The following MTDH variants were observed in gnomAD, a reference collection of about 807,000 sequenced individuals.
MTDH encodes protein LYRIC.
In MTDH, 34 loss-of-function variants were observed where a neutral mutation model predicts 72.7. The observed-to-expected ratio is 0.47, with a 90% CI of 0.36 to 0.62. MTDH has a LOEUF of 0.62. MTDH is among the 20% of genes least tolerant of loss of function. The probability of loss-of-function intolerance (pLI) is 0.00; values close to 1 mark genes in which losing one functional copy is unlikely to be tolerated. For missense variants in MTDH, 677 were observed against 699.4 expected, an observed-to-expected ratio of 0.97 and a Z score of 0.36; for synonymous variants, 266 against 268.9, an observed-to-expected ratio of 0.99 and a Z score of 0.10.
At chr8:97,648,549 C>T (rs973887151) in intron 1 of MTDH, among the ~76,000 whole-genome samples, 42 of 150,668 alleles carry the variant, frequency 2.8e-4, no homozygotes, top group Middle Eastern at 3.4e-3. Flanking sequence ...AGTGCAGTGG[C>T]GGTTATAGCT....
intron 2 of MTDH, 107 bp from the exon 3 acceptor site, chr8:97,686,560 TA>T (rs2130999001): frequency 3.6e-6 from 2 of 553,276 alleles, no homozygotes; most frequent in East Asian, 4.1e-5. Flanking sequence ...AATCAAACAT[TA>T]ATTTTTTTTT....
intron 6 of MTDH, chr8:97,696,426 C>A: frequency 3.5e-6 from 1 of 283,414 alleles, no homozygotes; most frequent in Non-Finnish European, 5.3e-6. Flanking sequence ...TGGCAGAGGC[C>A]TTTACAACAG....
At position 97,722,909 on chromosome 8, in the gene MTDH, A is replaced by G. The variant is rs1815187182; in HGVS notation, c.1552A>G (p.Thr518Ala). ...CAAGACTCTTCCACCTGCTACTTCT[A>G]CCGAGCCATCTGTAATCTTATCAAA... ...PIKTLPPATS[T>A]EPSVILSKSD... Residue 518 changes from threonine (T) to alanine (A), a missense_variant, in exon 11 of 12, where the codon ACC becomes GCC. By Grantham distance (58) the Thr-to-Ala change is moderately conservative. Around this residue, in one of 3 missense-constraint regions of MTDH, gnomAD observed 201 missense variants for 204.5 expected, o/e 0.98. Transcript: ENST00000336273. The G allele has an allele frequency of 6.2e-7, 1 of 1,613,528 alleles. No individual in the cohort carries two copies. The highest frequency in any genetic ancestry group is 8.5e-7 in the Non-Finnish European group (1 of 1,179,790).
At chr8:97,686,621 T>C (rs1260616988) in intron 2 of MTDH, 47 bp from the exon 3 acceptor site, 2 of 1,246,794 alleles carry the variant, frequency 1.6e-6, no homozygotes, top group Non-Finnish European at 2.2e-6. Context: ...CTCCTACTTA[T>C]TCAAAAACAT....
chr8:97,659,699 A>C (rs1812108094), intron 1 of MTDH, among the ~76,000 whole-genome samples: 2 of 152,218 alleles, frequency 1.3e-5, no homozygotes, highest in South Asian at 4.1e-4. Flanking sequence ...ACTGAAAATA[A>C]AGCCATTGAA....
At chr8:97,675,582 AC>A (rs34238865) in intron 2 of MTDH, among the ~76,000 whole-genome samples, 6 of 124,516 alleles carry the variant, frequency 4.8e-5, no homozygotes, top group South Asian at 2.5e-4. Flanking sequence ...AAAAAAAATT[AC>A]ATTCAGGGCC....
At chr8:97,683,478 C>G (rs1800814408) in intron 2 of MTDH, among the ~76,000 whole-genome samples, 1 of 152,014 alleles carries the variant, frequency 6.6e-6, no homozygotes, top group Non-Finnish European at 1.5e-5. Flanking sequence ...TCACTTCAGC[C>G]TCAACCTCCC....
chr8:97,653,180 C>CA (rs1332232944), intron 1 of MTDH, among the ~76,000 whole-genome samples: 2 of 148,560 alleles, frequency 1.3e-5, no homozygotes, highest in Admixed American at 1.3e-4. Context: ...ATAAGTAAAA[C>CA]AAATATTCAT....
chr8:97,645,028 GGA>G, intron 1 of MTDH, 141 bp downstream of exon 1: 2 of 929,418 alleles, frequency 2.2e-6, no homozygotes, highest in Non-Finnish European at 3.0e-6. Context: ...AAGTGGAGGA[GGA>G]GGTGATAGGT....
At chr8:97,663,649 T>A (rs181093972) in intron 2 of MTDH, among the ~76,000 whole-genome samples, 61 of 147,960 alleles carry the variant, frequency 4.1e-4, no homozygotes, top group African/African-American at 1.4e-3. Context: ...CTAGGGAGGC[T>A]GAGGCAGGAG....
chr8:97,697,906 G>T (rs1813936851), intron 6 of MTDH, among the ~76,000 whole-genome samples: 1 of 152,132 alleles, frequency 6.6e-6, no homozygotes, highest in Non-Finnish European at 1.5e-5. Context: ...AGCCGTGTGG[G>T]CTGCCAAAGG....
At chr8:97,715,884 G>A (rs932281013) in intron 9 of MTDH, among the ~76,000 whole-genome samples, 3 of 152,032 alleles carry the variant, frequency 2.0e-5, no homozygotes, top group South Asian at 2.1e-4. Flanking sequence ...TGTTTCTTTG[G>A]CATTCTGATT....
Position 97,644,603 on chromosome 8 carries a change from C to G in MTDH, c.97C>G (p.Arg33Gly). ...EMLSVGLGFLRTELGLDLGLE... is the reference protein window; with the variant it reads ...EMLSVGLGFLGTELGLDLGLE... ...GCTCTCGGTCGGCCTAGGCTTTCTGCGCACCGAGCTGGGCCTCGACCTGGG... is the reference window on the plus strand; with the variant it reads ...GCTCTCGGTCGGCCTAGGCTTTCTGGGCACCGAGCTGGGCCTCGACCTGGG... Residue 33 changes from arginine (R) to glycine (G), a missense_variant, in exon 1 of 12, where the codon CGC becomes GGC. Transcript: ENST00000336273. 1 of 1,609,128 alleles carries G rather than the reference C, an allele frequency of 6.2e-7. No individual in the cohort carries two copies. Among genetic ancestry groups the G allele is most frequent in the Non-Finnish European group, 8.5e-7 (1 of 1,179,156 alleles).
At chr8:97,648,321 A>G (rs1434054234) in intron 1 of MTDH, among the ~76,000 whole-genome samples, 1 of 150,678 alleles carries the variant, frequency 6.6e-6, no homozygotes, top group Non-Finnish European at 1.5e-5. Context: ...TGTATTTTTC[A>G]TGACATCTAC....
chr8:97,696,872 C>T (rs141559268), intron 6 of MTDH, among the ~76,000 whole-genome samples: 27 of 151,498 alleles, frequency 1.8e-4, no homozygotes, highest in Non-Finnish European at 2.5e-4. Context: ...AATCCCAGCA[C>T]GTAGCGAGGC....
At chr8:97,673,092 C>T (rs772380865) in intron 2 of MTDH, among the ~76,000 whole-genome samples, 12 of 152,074 alleles carry the variant, frequency 7.9e-5, no homozygotes, top group Non-Finnish European at 1.0e-4. Context: ...ATACCTTCTG[C>T]GTACAAGGTA....
intron 2 of MTDH, among the ~76,000 whole-genome samples, chr8:97,675,238 C>T (rs1370378273): frequency 1.3e-5 from 2 of 152,138 alleles, no homozygotes; most frequent in Admixed American, 6.6e-5. Context: ...CCAGTACATC[C>T]AGAATAGAGA....
chr8:97,687,455 A>G lies in MTDH; in HGVS notation c.595A>G (p.Arg199Gly). The change falls in exon 4 of 12, where the codon AGA becomes GGA. Residue 199 changes from arginine to glycine, a missense_variant. Coordinates refer to ENST00000336273, the MANE Select transcript of MTDH (RefSeq NM_178812.4). ...EGAWETKISHREKRQQRKRDK... is the reference protein window; with the variant it reads ...EGAWETKISHGEKRQQRKRDK... ...AGCCTGGGAAACTAAAATTAGTCACAGAGAGAAACGACAGCAGCGTAAACG... is the reference window on the plus strand; with the variant it reads ...AGCCTGGGAAACTAAAATTAGTCACGGAGAGAAACGACAGCAGCGTAAACG... The G allele has an allele frequency of 1.9e-6, 3 of 1,599,600 alleles. No individual in the cohort carries two copies. Among genetic ancestry groups the G allele is most frequent in the Non-Finnish European group, 2.6e-6 (3 of 1,173,524 alleles).
At chr8:97,660,617 T>G (rs777746056) in intron 1 of MTDH, among the ~76,000 whole-genome samples, 4 of 152,284 alleles carry the variant, frequency 2.6e-5, no homozygotes, top group South Asian at 2.1e-4. Context: ...CCTGAATATG[T>G]TTATAAATAA....
Sources: gnomAD v4.1 joint callset for allele counts (sites outside exome capture counted in the v4.1 genomes callset) on GRCh38, gnomAD v4.1.1 for gene constraint, gnomAD v4.1.1 regional missense constraint, MANE v1.5 for transcripts, NCBI Gene and HGNC (gene_info 2026-07-23, HGNC 2026-07-21) for gene names.